Variants in SOS2 observed in about 807,000 individuals in gnomAD.
SOS2 encodes the protein son of sevenless homolog 2.
Under a neutral mutation model 148.2 loss-of-function variants are expected in SOS2, and 65 were observed. That is an observed-to-expected ratio of 0.44 (90% confidence interval 0.36 to 0.54). The LOEUF (loss-of-function observed/expected upper bound fraction) is 0.54, where lower values mean the gene tolerates loss of function less well. SOS2 is among the 20% of genes least tolerant of loss of function. The pLI, the probability that SOS2 is intolerant of heterozygous loss-of-function variation, is 0.00. For synonymous variants in SOS2, 539 were observed against 537.1 expected (o/e 1.00, Z -0.05); for missense variants, 1,341 against 1,590.2 (o/e 0.84, Z 2.67).
intron 4 of SOS2, among the ~76,000 whole-genome samples, chr14:50,196,683 T>C (rs1269868287): frequency 6.6e-6 from 1 of 152,234 alleles, no homozygotes; most frequent in Non-Finnish European, 1.5e-5. Flanking sequence ...CTTGATTTAA[T>C]TATTCCACAT....
chr14:50,148,837 C>A (rs535650611), intron 14 of SOS2, among the ~76,000 whole-genome samples: 2 of 152,138 alleles, frequency 1.3e-5, no homozygotes, highest in African/African-American at 4.8e-5. Context: ...TTTATATATT[C>A]TTGCTTTTCC....
At chr14:50,209,274 C>CGTGTGTGTGTGTGTGT (rs140994310) in intron 1 of SOS2, among the ~76,000 whole-genome samples, 3,860 of 118,266 alleles carry the variant, frequency 0.033, 252 homozygotes, top group Middle Eastern at 0.055. Flanking sequence ...CCTTAAATGT[C>CGTGTGTGTGTGTGTGT]GTGTGTGTGT....
chr14:50,144,992 A>T (rs1289934173), intron 16 of SOS2, among the ~76,000 whole-genome samples, 178 bp downstream of exon 16: 7 of 151,996 alleles, frequency 4.6e-5, no homozygotes, highest in Admixed American at 2.0e-4. Context: ...CATATTATAT[A>T]TCATATTCAT....
At chr14:50,177,883 G>T (rs1885576720) in intron 7 of SOS2, among the ~76,000 whole-genome samples, 1 of 152,130 alleles carries the variant, frequency 6.6e-6, no homozygotes, top group Non-Finnish European at 1.5e-5. Flanking sequence ...CTGGTTATAT[G>T]AAAGTGTATA....
At chr14:50,146,522 T>C (rs913447581) in intron 14 of SOS2, among the ~76,000 whole-genome samples, 2 of 152,112 alleles carry the variant, frequency 1.3e-5, no homozygotes, top group African/African-American at 2.4e-5. Context: ...AGTGCGTGCC[T>C]GTAGTCCCAG....
intron 1 of SOS2, among the ~76,000 whole-genome samples, chr14:50,221,945 T>C (rs1887216924): frequency 6.6e-6 from 1 of 151,978 alleles, no homozygotes; most frequent in African/African-American, 2.4e-5. Context: ...GTAAGGAGTA[T>C]AAATAAAAAA....
chr14:50,140,374 G>C (rs1343335962), intron 16 of SOS2, among the ~76,000 whole-genome samples: 1 of 152,162 alleles, frequency 6.6e-6, no homozygotes, highest in Non-Finnish European at 1.5e-5. Context: ...TATAACCCCT[G>C]AACATTCAAA....
chr14:50,189,663 T>G (rs1431115921), intron 4 of SOS2, among the ~76,000 whole-genome samples: 1 of 152,152 alleles, frequency 6.6e-6, no homozygotes, highest in African/African-American at 2.4e-5. Context: ...GCATTTCTGA[T>G]GCACATTTAC....
intron 4 of SOS2, among the ~76,000 whole-genome samples, chr14:50,191,719 A>G (rs983263941): frequency 3.9e-5 from 6 of 152,198 alleles, no homozygotes; most frequent in Non-Finnish European, 8.8e-5. Flanking sequence ...CGGAAGGTAC[A>G]TGCACCTAAA....
chr14:50,185,135 G>T (rs969440784), intron 5 of SOS2, among the ~76,000 whole-genome samples: 2 of 152,072 alleles, frequency 1.3e-5, no homozygotes, highest in Non-Finnish European at 2.9e-5. Flanking sequence ...CCAAGGAGGG[G>T]GTCATGGGAA....
At chr14:50,154,901 A>G (rs944475059) in intron 12 of SOS2, among the ~76,000 whole-genome samples, 1 of 152,190 alleles carries the variant, frequency 6.6e-6, no homozygotes, top group African/African-American at 2.4e-5. Flanking sequence ...AAACTCAACA[A>G]AAGTACACTT....
Position 50,163,985 on chromosome 14 carries a change from A to G in SOS2, c.1069-2376T>C, listed in dbSNP as rs551371371. On this transcript the variant is annotated intron_variant, in intron 8 of 22. Transcript: ENST00000216373. ...GATATTTAGAGTGGGATTTCCTGGTAATGGAAGTATATTAAACAACGGCTC... is the reference window on the plus strand; with the variant it reads ...GATATTTAGAGTGGGATTTCCTGGTGATGGAAGTATATTAAACAACGGCTC... 5.3e-5 allele frequency among the ~76,000 whole-genome samples: 8 copies of G among 152,312 alleles called. No individual in the cohort carries two copies. The East Asian group carries it at 1.5e-3, about 29-fold the overall frequency.
intron 16 of SOS2, among the ~76,000 whole-genome samples, chr14:50,142,209 T>C (rs916521321): frequency 6.6e-6 from 1 of 152,038 alleles, no homozygotes; most frequent in Non-Finnish European, 1.5e-5. Context: ...GGTTTCATCA[T>C]GTTGGCCAGG....
chr14:50,156,936 A>AAAT, intron 12 of SOS2, 63 bp downstream of exon 12: 1 of 695,194 alleles, frequency 1.4e-6, no homozygotes, highest in South Asian at 2.3e-5. Flanking sequence ...TGACACATAA[A>AAAT]ATGTGTGTGT....
chr14:50,117,347 A>C lies in SOS2; in HGVS notation c.*997T>G, dbSNP rs1335324540. On this transcript the variant is annotated 3_prime_UTR_variant, in exon 23 of 23. Transcript: ENST00000216373. ...ACTTATCTGATTAAAATGTTTAATA[A>C]AGCTTTAAGTATTTGCTGGTTTAAA... 1 of 152,232 alleles carries C rather than the reference A, an allele frequency of 6.6e-6. No individual in the cohort carries two copies. Among genetic ancestry groups the C allele is most frequent in the Non-Finnish European group, 1.5e-5 (1 of 68,038 alleles). The allele number at this position is 152,232 out of a possible 1,614,324, so 9.4% of individuals were successfully genotyped here.
chr14:50,121,817 G>C (rs187531494), intron 21 of SOS2, among the ~76,000 whole-genome samples: 120 of 152,356 alleles, frequency 7.9e-4, no homozygotes, highest in Non-Finnish European at 1.5e-3. Flanking sequence ...GGTGTGGGGA[G>C]GTTAGGCAGA....
intron 1 of SOS2, among the ~76,000 whole-genome samples, chr14:50,214,313 T>C (rs1048850540): frequency 1.4e-5 from 2 of 144,152 alleles, no homozygotes; most frequent in African/African-American, 2.5e-5. Context: ...GGACCAATAA[T>C]AAAAAAAAAA....
intron 5 of SOS2, among the ~76,000 whole-genome samples, chr14:50,184,958 T>C (rs1463119911): frequency 6.6e-6 from 1 of 151,378 alleles, no homozygotes; most frequent in African/African-American, 2.4e-5. Flanking sequence ...TTGCAGACCT[T>C]GTGGAGGTGC....
At position 50,130,832 on chromosome 14, in the gene SOS2, T is replaced by C. The variant is rs1285227877; in HGVS notation, c.3076-70A>G. ...ACAATTTGTTTCTGTGACTTAGAGC[T>C]ACCTTATTAGTCTTATTAGTTCTTA... On this transcript the variant is annotated intron_variant, in intron 19 of 22. Transcript: ENST00000216373. The C allele has an allele frequency of 2.9e-6, 4 of 1,356,400 alleles. No individual in the cohort carries two copies. The East Asian group carries it at 7.0e-5, about 24-fold the overall frequency. 84.0% of individuals were successfully genotyped at this position (1,356,400 alleles called of 1,614,324 possible).
Sources: gnomAD v4.1 joint callset for allele counts (sites outside exome capture counted in the v4.1 genomes callset) on GRCh38, gnomAD v4.1.1 for gene constraint, MANE v1.5 for transcripts, NCBI Gene and HGNC (gene_info 2026-07-23, HGNC 2026-07-21) for gene names.